STK32C: variants seen among roughly 807,000 people sequenced by gnomAD.
The protein encoded by STK32C is serine/threonine kinase 32C, also known as serine/threonine-protein kinase 32C.
Under a neutral mutation model 56.5 loss-of-function variants are expected in STK32C, and 31 were observed. That is an observed-to-expected ratio of 0.55 (90% CI 0.41 to 0.74). STK32C has a LOEUF of 0.74. Among genes scored for constraint, STK32C ranks in the 30% least tolerant of loss-of-function variants. STK32C has a pLI of 0.00. For missense variants in STK32C, 544 were observed against 676.9 expected, an observed-to-expected ratio of 0.80 and a Z score of 2.18; for synonymous variants, 309 against 289.4, an observed-to-expected ratio of 1.07 and a Z score of -0.69.
chr10:132,302,633 C>T (rs555939082), intron 1 of STK32C, among the ~76,000 whole-genome samples: 1 of 151,922 alleles, frequency 6.6e-6, no homozygotes, highest in Non-Finnish European at 1.5e-5. Context: ...GTCTGGGCCA[C>T]ACAGAGAGCC....
At chr10:132,221,213 C>CAA (rs2062628468) in intron 10 of STK32C, among the ~76,000 whole-genome samples, 2 of 132,632 alleles carry the variant, frequency 1.5e-5, no homozygotes, top group African/African-American at 2.8e-5. Context: ...GGCACACACA[C>CAA]CTGATGCTGA....
chr10:132,281,178 GACACACACACACAC>G (rs10556901), intron 1 of STK32C, among the ~76,000 whole-genome samples: 13 of 149,330 alleles, frequency 8.7e-5, no homozygotes, highest in African/African-American at 1.7e-4. Context: ...GATCCTCGTG[GACACACACACACAC>G]ACACACACAC....
intron 1 of STK32C, among the ~76,000 whole-genome samples, chr10:132,286,003 G>C (rs1048875114): frequency 6.6e-6 from 1 of 152,034 alleles, no homozygotes; most frequent in African/African-American, 2.4e-5. Context: ...GCGGGCGCCT[G>C]TCATCCCAGC....
rs546448702 is a variant in STK32C, at chr10:132,239,700, G to C, written c.318+6200C>G. 7.9e-5 allele frequency among the ~76,000 whole-genome samples: 12 copies of C among 152,348 alleles called. No homozygotes were observed. In the East Asian group the frequency reaches 2.3e-3, roughly 29 times the overall value. On this transcript the variant is annotated intron_variant, in intron 2 of 11. Coordinates refer to ENST00000298630, the MANE Select transcript of STK32C (RefSeq NM_173575.4). The stretch of plus-strand genomic sequence containing the variant: ...GCCCCGGGAGCCCGGCAGCAGGCCA[G>C]CAGACGCTGCTGGACATCGTCAACT...
At chr10:132,278,773 A>T (rs1376929200) in intron 1 of STK32C, among the ~76,000 whole-genome samples, 1 of 152,046 alleles carries the variant, frequency 6.6e-6, no homozygotes, top group African/African-American at 2.4e-5. Context: ...AAAAAAAAAA[A>T]AAAAATTCAA....
At chr10:132,311,401 T>C (rs2066218834), upstream of STK32C, among the ~76,000 whole-genome samples, 1 of 152,150 alleles carries the variant, frequency 6.6e-6, no homozygotes, top group East Asian at 1.9e-4. The surrounding 1 kb of genome is among the most constrained non-coding windows in gnomAD (Gnocchi z 4.4). Context: ...TCCTGGGAAA[T>C]GGAAGACAGA....
chr10:132,208,362 CG>C (rs928323889), intron 11 of STK32C, among the ~76,000 whole-genome samples: 1 of 152,198 alleles, frequency 6.6e-6, no homozygotes, highest in Non-Finnish European at 1.5e-5. Flanking sequence ...TGGCGAGGCT[CG>C]GCGTGTTTCC....
chr10:132,228,081 C>T lies in STK32C; in HGVS notation c.366G>A (p.Lys122=). Residue 122 remains lysine (K), a synonymous_variant, in exon 3 of 12, where the codon AAG becomes AAA. Coordinates refer to ENST00000298630, the MANE Select transcript of STK32C (RefSeq NM_173575.4). ...CGATGCACTGCTGCTTGTTCATGTA[C>T]TTCATGGCGTACATCTTCTCCGTGT... ...KRDTEKMYAM[K]YMNKQQCIER... 1.2e-6 allele frequency: 2 copies of T among 1,614,076 alleles called. No individual in the cohort carries two copies. The highest frequency in any genetic ancestry group is 1.7e-6 in the Non-Finnish European group (2 of 1,180,038).
chr10:132,258,010 G>A (rs1050074096), intron 1 of STK32C, among the ~76,000 whole-genome samples: 6 of 152,184 alleles, frequency 3.9e-5, no homozygotes, highest in Admixed American at 2.0e-4. Flanking sequence ...CGGTCAGGAC[G>A]AAGGGCTCCA....
chr10:132,249,577 C>T (rs2063824091), intron 1 of STK32C, among the ~76,000 whole-genome samples: 1 of 152,126 alleles, frequency 6.6e-6, no homozygotes, highest in Admixed American at 6.5e-5. Flanking sequence ...CCAGACCCCG[C>T]AAGGTGAGTC....
chr10:132,209,622 G>A (rs867680808), intron 10 of STK32C, among the ~76,000 whole-genome samples: 1 of 145,422 alleles, frequency 6.9e-6, no homozygotes, highest in African/African-American at 2.5e-5. Context: ...GGGCAGGCAG[G>A]ACTACTTCCT....
chr10:132,251,215 G>A (rs2063892777), intron 1 of STK32C, among the ~76,000 whole-genome samples: 1 of 152,222 alleles, frequency 6.6e-6, no homozygotes, highest in South Asian at 2.1e-4. Context: ...TCTGCTCCCA[G>A]GCCCTACCCA....
intron 10 of STK32C, among the ~76,000 whole-genome samples, chr10:132,212,057 T>G (rs370717781): frequency 5.9e-4 from 90 of 152,120 alleles, no homozygotes; most frequent in African/African-American, 2.0e-3. Context: ...CTTCAGTCCC[T>G]AGCACCGCCA....
chr10:132,222,994 C>T lies in STK32C; in HGVS notation c.994-8G>A. The T allele has an allele frequency of 6.5e-7, 1 of 1,547,984 alleles. No individual in the cohort carries two copies. The highest frequency in any genetic ancestry group is 8.7e-7 in the Non-Finnish European group (1 of 1,151,206). ...GGGGTTCACAGTGAGGAGCTGCAAC[C>T]AGGCATGAGTCAGAGGGTCCAGGGC... On this transcript the variant is annotated splice_polypyrimidine_tract_variant and splice_region_variant and intron_variant, in intron 8 of 11. Coordinates refer to ENST00000298630, the MANE Select transcript of STK32C (RefSeq NM_173575.4).
At position 132,240,528 on chromosome 10, in the gene STK32C, A is replaced by G. The variant is rs533764354; in HGVS notation, c.318+5372T>C. ...AGGCAGACCTTCTTCACCCACAAACATGCTCATCCTCTTCTTGCCTCTCTG... is the reference window on the plus strand; with the variant it reads ...AGGCAGACCTTCTTCACCCACAAACGTGCTCATCCTCTTCTTGCCTCTCTG... On this transcript the variant is annotated intron_variant, in intron 2 of 11. Transcript: ENST00000298630. 1.5e-4 allele frequency among the ~76,000 whole-genome samples: 23 copies of G among 152,076 alleles called. No homozygotes were observed. The South Asian group carries it at 4.2e-3, about 27-fold the overall frequency.
chr10:132,264,394 C>T (rs1053268849), intron 1 of STK32C, among the ~76,000 whole-genome samples: 13 of 152,164 alleles, frequency 8.5e-5, no homozygotes, highest in Non-Finnish European at 1.6e-4. Context: ...AGAACTGAGC[C>T]GCAGGGACCC....
intron 2 of STK32C, among the ~76,000 whole-genome samples, chr10:132,232,758 C>G (rs575665870): frequency 9.5e-4 from 143 of 150,934 alleles, no homozygotes; most frequent in African/African-American, 3.2e-3. Flanking sequence ...TGGGCTTTTC[C>G]TATGAAACGC....
intron 1 of STK32C, among the ~76,000 whole-genome samples, chr10:132,258,900 G>A (rs1010690591): frequency 3.3e-5 from 5 of 152,276 alleles, no homozygotes; most frequent in Non-Finnish European, 7.3e-5. Flanking sequence ...GCAGACGGGG[G>A]TTGAGGATGA....
At chr10:132,284,175 C>A (rs1815255111) in intron 1 of STK32C, among the ~76,000 whole-genome samples, 1 of 151,706 alleles carries the variant, frequency 6.6e-6, no homozygotes, top group African/African-American at 2.4e-5. Context: ...CCGCATCCAC[C>A]CGTGCCTGAG....
Sources: gnomAD v4.1 joint callset for allele counts (sites outside exome capture counted in the v4.1 genomes callset) on GRCh38, gnomAD v4.1.1 for gene constraint, Gnocchi (gnomAD v3.1) non-coding constraint, MANE v1.5 for transcripts, NCBI Gene and HGNC (gene_info 2026-07-23, HGNC 2026-07-21) for gene names.